Variants in GALNT13 observed in about 807,000 individuals in gnomAD.
GALNT13 encodes the protein UDP-GalNAc:polypeptide N-acetylgalactosaminyltransferase 13.
A neutral mutation model predicts 64.2 loss-of-function variants in GALNT13; 28 were observed. The observed-to-expected ratio is 0.44, with a 90% CI of 0.32 to 0.60. The LOEUF (loss-of-function observed/expected upper bound fraction) is 0.60, where lower values mean the gene tolerates loss of function less well. Among genes scored for constraint, GALNT13 ranks in the 20% least tolerant of loss-of-function variants. The pLI is 0.05. For missense variants in GALNT13, 577 were observed against 669.8 expected (o/e 0.86, Z 1.53); for synonymous variants, 214 against 224.6 (o/e 0.95, Z 0.42).
At chr2:154,357,487 C>T (rs1206630376) in intron 9 of GALNT13, among the ~76,000 whole-genome samples, 5 of 151,908 alleles carry the variant, frequency 3.3e-5, no homozygotes, top group Non-Finnish European at 7.4e-5. Flanking sequence ...ACATTTAAGG[C>T]GTGTAAAAAG....
chr2:153,527,231 C>T, the GALNT13 span, among the ~76,000 whole-genome samples: 2 of 151,946 alleles, frequency 1.3e-5, no homozygotes, highest in Non-Finnish European at 2.9e-5. Context: ...AAGAAGACTA[C>T]CTCAACACAT....
intron 9 of GALNT13, among the ~76,000 whole-genome samples, chr2:154,356,181 A>G (rs933946633): frequency 3.9e-5 from 6 of 152,004 alleles, no homozygotes; most frequent in African/African-American, 1.2e-4. Flanking sequence ...AGATTTGCCC[A>G]TTAGCTTTTT....
chr2:154,039,333 A>G lies in GALNT13; in HGVS notation c.142+94694A>G, dbSNP rs1483289339. 1.4e-4 allele frequency among the ~76,000 whole-genome samples: 16 copies of G among 110,772 alleles called. 3 individuals carry two copies. 72.7% of individuals were successfully genotyped at this position (110,772 alleles called of 152,430 possible). A position where few individuals can be genotyped will look rare whatever the true frequency, so the allele number is the denominator to read the frequency against. On this transcript the variant is annotated intron_variant, in intron 3 of 12. Transcript: ENST00000392825. The stretch of plus-strand genomic sequence containing the variant: ...CTCCATGCTTATTGCAGCACTATTC[A>G]CAATAGTCAAGATATAGAATCAACG...
At chr2:154,030,732 A>T (rs891055976) in intron 3 of GALNT13, among the ~76,000 whole-genome samples, 1 of 151,972 alleles carries the variant, frequency 6.6e-6, no homozygotes, top group Non-Finnish European at 1.5e-5. Context: ...TGGCTTTTAA[A>T]ATTTGTAGCA....
intron 4 of GALNT13, among the ~76,000 whole-genome samples, chr2:154,192,454 A>G (rs1686646958): frequency 6.6e-6 from 1 of 152,130 alleles, no homozygotes; most frequent in Non-Finnish European, 1.5e-5. Flanking sequence ...TATCACCTAC[A>G]TGGACCATGA....
chr2:154,258,193 G>A (rs1014764084), intron 7 of GALNT13, among the ~76,000 whole-genome samples: 2 of 152,090 alleles, frequency 1.3e-5, no homozygotes, highest in African/African-American at 4.8e-5. Context: ...AAAGACTTGT[G>A]TAGCTCACTC....
At chr2:154,265,555 C>T (rs542410713) in intron 8 of GALNT13, among the ~76,000 whole-genome samples, 29 of 152,012 alleles carry the variant, frequency 1.9e-4, no homozygotes, top group South Asian at 1.5e-3. Context: ...AAAAATTAAC[C>T]GGGTGTGGTG....
At chr2:153,140,582 A>G in the GALNT13 span, among the ~76,000 whole-genome samples, 5 of 152,158 alleles carry the variant, frequency 3.3e-5, 1 homozygote, top group South Asian at 1.0e-3. Context: ...CCCAGAATCT[A>G]TGTCTGTTAA....
the GALNT13 span, among the ~76,000 whole-genome samples, chr2:153,689,063 C>CATGTGTAT: frequency 1.5e-4 from 10 of 66,342 alleles, no homozygotes; most frequent in Non-Finnish European, 3.2e-4. Flanking sequence ...TGCTAAACCG[C>CATGTGTAT]GTGTGTATGT....
At chr2:153,577,505 A>G in the GALNT13 span, among the ~76,000 whole-genome samples, 1 of 152,120 alleles carries the variant, frequency 6.6e-6, no homozygotes, top group East Asian at 1.9e-4. Context: ...ATAAATATAT[A>G]AGTATCAATG....
the GALNT13 span, chr2:153,421,590 A>G: frequency 2.9e-5 from 7 of 243,330 alleles, no homozygotes; most frequent in Non-Finnish European, 4.6e-5. Flanking sequence ...AGACCTGTGC[A>G]CTGGTGAACC....
At chr2:154,155,154 G>T (rs1468824164) in intron 4 of GALNT13, among the ~76,000 whole-genome samples, 1 of 151,946 alleles carries the variant, frequency 6.6e-6, no homozygotes, top group Non-Finnish European at 1.5e-5. Flanking sequence ...AATAAAAGAT[G>T]TGTACCAGAG....
intron 3 of GALNT13, among the ~76,000 whole-genome samples, chr2:154,126,119 A>G (rs188895294): frequency 6.6e-6 from 1 of 152,270 alleles, no homozygotes; most frequent in Admixed American, 6.5e-5. Flanking sequence ...AATTTATTGC[A>G]TCACTCTCCC....
chr2:153,413,653 C>T, the GALNT13 span, among the ~76,000 whole-genome samples: 1 of 152,080 alleles, frequency 6.6e-6, no homozygotes, highest in Admixed American at 6.6e-5. Context: ...TTTCAGATCC[C>T]TAGTATTCAA....
At chr2:153,649,840 T>C in the GALNT13 span, among the ~76,000 whole-genome samples, 1 of 152,182 alleles carries the variant, frequency 6.6e-6, no homozygotes, top group African/African-American at 2.4e-5. Flanking sequence ...CAGTTTGTTA[T>C]AATTTCTGTT....
intron 1 of GALNT13, among the ~76,000 whole-genome samples, chr2:153,898,034 A>AT (rs370062915): frequency 1.3e-5 from 2 of 151,922 alleles, no homozygotes; most frequent in African/African-American, 4.8e-5. Flanking sequence ...GGTTGAGTGG[A>AT]TTTTTTGTGA....
At chr2:153,864,352 A>G in the GALNT13 span, among the ~76,000 whole-genome samples, 1 of 152,192 alleles carries the variant, frequency 6.6e-6, no homozygotes, top group Admixed American at 6.5e-5. Context: ...TCAAAAACAG[A>G]AAGTCTTAAA....
the GALNT13 span, among the ~76,000 whole-genome samples, chr2:153,804,578 A>G: frequency 6.6e-6 from 1 of 152,082 alleles, no homozygotes; most frequent in African/African-American, 2.4e-5. Flanking sequence ...CATTTTCATT[A>G]AAAAAACTCG....
chr2:154,026,997 T>A (rs1461067123), intron 3 of GALNT13, among the ~76,000 whole-genome samples: 1 of 152,060 alleles, frequency 6.6e-6, no homozygotes, highest in African/African-American at 2.4e-5. Flanking sequence ...ACTGAAAAGG[T>A]AGGGTGAAGG....
Sources: allele counts gnomAD v4.1 joint callset (sites outside exome capture counted in the v4.1 genomes callset), GRCh38; gene constraint gnomAD v4.1.1; transcripts MANE v1.5; gene names NCBI Gene and HGNC (gene_info 2026-07-23, HGNC 2026-07-21).